Variants in AGTRAP observed in about 807,000 individuals in gnomAD.
The protein encoded by AGTRAP is type-1 angiotensin II receptor-associated protein.
Under a neutral mutation model 15.2 loss-of-function variants are expected in AGTRAP, and 7 were observed. The ratio of observed to expected loss-of-function variants is 0.46; its 90% CI spans 0.26 to 0.87. AGTRAP has a LOEUF of 0.87. Ranked by LOEUF, AGTRAP falls within the 40% of genes least tolerant of loss-of-function variation. The pLI, the probability that AGTRAP is intolerant of heterozygous loss-of-function variation, is 0.15. For missense variants in AGTRAP, 187 were observed against 213.4 expected (o/e 0.88, Z 0.77); for synonymous variants, 74 against 89.6 (o/e 0.83, Z 0.98).
chr1:11,745,956 T>C lies in AGTRAP; in HGVS notation c.62+119T>C. The C allele has an allele frequency of 1.4e-6, 2 of 1,413,346 alleles. No homozygotes were observed. Among genetic ancestry groups the C allele is most frequent in the Admixed American group, 1.7e-5 (1 of 59,640 alleles). 87.6% of individuals were successfully genotyped at this position (1,413,346 alleles called of 1,614,324 possible). On this transcript the variant is annotated intron_variant, in intron 2 of 4. Coordinates refer to ENST00000314340, the MANE Select transcript of AGTRAP (RefSeq NM_020350.5). The surrounding 1 kb of genome is among the most constrained non-coding windows in gnomAD (Gnocchi z 4.2). Reference sequence around the variant, plus strand: ...TCACTTTGGGCCAGACAGCTCTGCCTCTCCGGGTCTTGATTTCCGTCTGTA... The same window carrying C: ...TCACTTTGGGCCAGACAGCTCTGCCCCTCCGGGTCTTGATTTCCGTCTGTA...
chr1:11,747,396 G>C lies in AGTRAP; in HGVS notation c.63-44G>C, dbSNP rs766985189. The C allele has an allele frequency of 2.3e-5, 36 of 1,564,122 alleles. No homozygotes were observed. In the East Asian group the frequency reaches 7.2e-4, roughly 31 times the overall value. ...CCGGAGCAGGAGGGAGGTGACCTGCGGGGTGGTGGCCTCCTGACGGGACTG... is the reference window on the plus strand; with the variant it reads ...CCGGAGCAGGAGGGAGGTGACCTGCCGGGTGGTGGCCTCCTGACGGGACTG... On this transcript the variant is annotated intron_variant, in intron 2 of 4. Transcript: ENST00000314340.
In AGTRAP at chr1:11,743,160, C is replaced by T. The variant is rs542605176; in HGVS notation, c.28-2643C>T. On this transcript the variant is annotated intron_variant, in intron 1 of 4. Transcript: ENST00000314340. Reference sequence around the variant, plus strand: ...GGCCCCACTTTGCCTGGCCGAGCCCCGCTCATACATTGTGCTCAGCCTGGG... The same window carrying T: ...GGCCCCACTTTGCCTGGCCGAGCCCTGCTCATACATTGTGCTCAGCCTGGG... 1.8e-4 allele frequency among the ~76,000 whole-genome samples: 27 copies of T among 152,320 alleles called. No homozygotes were observed. In the East Asian group the frequency reaches 3.5e-3, roughly 20 times the overall value.
intron 4 of AGTRAP, among the ~76,000 whole-genome samples, chr1:11,749,103 C>T (rs1034769604): frequency 2.6e-5 from 4 of 151,932 alleles, no homozygotes; most frequent in African/African-American, 9.7e-5. Context: ...GTGAAGACAG[C>T]CCTGAACAGG....
At chr1:11,743,649 C>G (rs1426161009) in intron 1 of AGTRAP, among the ~76,000 whole-genome samples, 1 of 151,472 alleles carries the variant, frequency 6.6e-6, no homozygotes, top group Non-Finnish European at 1.5e-5. Flanking sequence ...CCACTGCAAC[C>G]TCTGCCTCCT....
chr1:11,746,283 C>G, intron 2 of AGTRAP: 1 of 1,410,130 alleles, frequency 7.1e-7, no homozygotes, highest in Non-Finnish European at 9.8e-7. Flanking sequence ...GGCCAAAATA[C>G]AGATTTCTTA....
chr1:11,740,532 A>G (rs1642005341), intron 1 of AGTRAP, among the ~76,000 whole-genome samples: 1 of 152,180 alleles, frequency 6.6e-6, no homozygotes, highest in Non-Finnish European at 1.5e-5. Context: ...CTTCCCTAAC[A>G]GAGATGGCAG....
intron 1 of AGTRAP, among the ~76,000 whole-genome samples, chr1:11,738,497 A>G (rs1641951861): frequency 6.6e-6 from 1 of 152,004 alleles, no homozygotes; most frequent in Non-Finnish European, 1.5e-5. Flanking sequence ...GTCGTGTAGC[A>G]TTTGGGTTAA....
rs529197115 is a variant in AGTRAP, at chr1:11,745,034, T to C, written c.28-769T>C. Reference sequence around the variant, plus strand: ...CATGCCCGGCTAATTTTTGTATTTTTAGTAGAGACAGGGTTTCACCATGTT... The same window carrying C: ...CATGCCCGGCTAATTTTTGTATTTTCAGTAGAGACAGGGTTTCACCATGTT... On this transcript the variant is annotated intron_variant, in intron 1 of 4. Coordinates refer to ENST00000314340, the MANE Select transcript of AGTRAP (RefSeq NM_020350.5). This position sits in a 1 kb window ranked among gnomAD's most constrained non-coding sequence, Gnocchi z 4.2. 1.2e-4 allele frequency among the ~76,000 whole-genome samples: 19 copies of C among 152,002 alleles called. No homozygotes were observed. The highest frequency in any genetic ancestry group is 2.1e-4 in the South Asian group (1 of 4,820).
At chr1:11,740,196 G>T (rs1641994885) in intron 1 of AGTRAP, among the ~76,000 whole-genome samples, 1 of 152,206 alleles carries the variant, frequency 6.6e-6, no homozygotes, top group Non-Finnish European at 1.5e-5. Flanking sequence ...CTACCAGGAA[G>T]CTCCCCCAGG....
intron 4 of AGTRAP, among the ~76,000 whole-genome samples, chr1:11,748,857 G>T (rs537656758): frequency 6.6e-6 from 1 of 152,320 alleles, no homozygotes; most frequent in South Asian, 2.1e-4. Context: ...CTGAGGCTGG[G>T]CCCTTCTCTC....
chr1:11,750,628 A>G lies in AGTRAP; in HGVS notation c.*436A>G. On this transcript the variant is annotated 3_prime_UTR_variant, in exon 5 of 5. Transcript: ENST00000314340. Reference sequence around the variant, plus strand: ...CGAGGAGCAGTCTGGCATGGGAGTGAGGCCCCGTCCTTCTCACTGCCTGGT... The same window carrying G: ...CGAGGAGCAGTCTGGCATGGGAGTGGGGCCCCGTCCTTCTCACTGCCTGGT... The G allele has an allele frequency of 8.0e-6, 3 of 377,128 alleles. No homozygotes were observed. Among genetic ancestry groups the G allele is most frequent in the East Asian group, 5.0e-5 (1 of 19,878 alleles). The allele number at this position is 377,128 out of a possible 1,614,324, so 23.4% of individuals were successfully genotyped here.
chr1:11,741,373 C>A (rs972548806), intron 1 of AGTRAP, among the ~76,000 whole-genome samples: 1 of 152,218 alleles, frequency 6.6e-6, no homozygotes, highest in African/African-American at 2.4e-5. Context: ...ATTCCTAGGG[C>A]AGAGTACCTG....
In AGTRAP at chr1:11,750,218, GC is replaced by G; in HGVS notation, c.*30del. 6.3e-7 allele frequency: 1 copy of G among 1,587,426 alleles called. No individual in the cohort carries two copies. The highest frequency in any genetic ancestry group is 8.6e-7 in the Non-Finnish European group (1 of 1,159,496). The stretch of plus-strand genomic sequence containing the variant: ...AGCCAGCCACGCTGCGCCCGGCCCT[GC>G]CCCGGGCCTTCCTCGTGCCTGGGAG... On this transcript the variant is annotated 3_prime_UTR_variant, in exon 5 of 5. Transcript: ENST00000314340.
chr1:11,740,884 C>T (rs188405851), intron 1 of AGTRAP, among the ~76,000 whole-genome samples: 5 of 152,244 alleles, frequency 3.3e-5, no homozygotes, highest in Admixed American at 6.5e-5. Context: ...TCTCTTTCCT[C>T]GGTGTCTTCT....
In AGTRAP at chr1:11,745,627, C is replaced by T. The variant is rs1028864466; in HGVS notation, c.28-176C>T. Among the ~76,000 whole-genome samples, 1 of 152,168 alleles carries T rather than the reference C, an allele frequency of 6.6e-6. No individual in the cohort carries two copies. Among genetic ancestry groups the T allele is most frequent in the Non-Finnish European group, 1.5e-5 (1 of 68,028 alleles). ...CTCCCTGGCCTGGCCTGCTTTCTTCCTCCTCCTTCACTCCTGGGCCACCTG... is the reference window on the plus strand; with the variant it reads ...CTCCCTGGCCTGGCCTGCTTTCTTCTTCCTCCTTCACTCCTGGGCCACCTG... On this transcript the variant is annotated intron_variant, in intron 1 of 4. Transcript: ENST00000314340. This position sits in a 1 kb window ranked among gnomAD's most constrained non-coding sequence, Gnocchi z 4.2.
rs747983763 is a variant in AGTRAP at position 11,747,522 on chromosome 1, G to T, written c.145G>T (p.Asp49Tyr). The change falls in exon 3 of 5, where the codon GAC (aspartate) becomes TAC (tyrosine). Residue 49 changes from aspartate to tyrosine, a missense_variant. By Grantham distance (160) the Asp-to-Tyr change is radical (BLOSUM62 -3). Transcript: ENST00000314340. Reference protein sequence around the residue: ...ALGVWAVAQRDSIDAISMFLG... With the variant: ...ALGVWAVAQRYSIDAISMFLG... The stretch of plus-strand genomic sequence containing the variant: ...GGGCGTGTGGGCTGTGGCTCAGCGG[G>T]ACTCCATCGACGCCATAAGCATGGT... The T allele has an allele frequency of 6.2e-7, 1 of 1,614,076 alleles. No individual in the cohort carries two copies. The highest frequency in any genetic ancestry group is 8.5e-7 in the Non-Finnish European group (1 of 1,179,986).
rs371098675 is a variant in AGTRAP at position 11,746,262 on chromosome 1, T to C, written c.62+425T>C. 2.0e-6 allele frequency: 3 copies of C among 1,521,950 alleles called. No homozygotes were observed. In the Admixed American group the frequency reaches 5.7e-5, roughly 29 times the overall value. 94.3% of individuals were successfully genotyped at this position (1,521,950 alleles called of 1,614,324 possible). A position where few individuals can be genotyped will look rare whatever the true frequency, so the allele number is the denominator to read the frequency against. On this transcript the variant is annotated intron_variant, in intron 2 of 4. Coordinates refer to ENST00000314340, the MANE Select transcript of AGTRAP (RefSeq NM_020350.5). Reference sequence around the variant, plus strand: ...ACTGTAACCATCATGATTCACGACCTTGAGAAGCAGGGCCAAAATACAGAT... The same window carrying C: ...ACTGTAACCATCATGATTCACGACCCTGAGAAGCAGGGCCAAAATACAGAT...
intron 4 of AGTRAP, among the ~76,000 whole-genome samples, chr1:11,749,632 T>C (rs1642264212): frequency 6.6e-6 from 1 of 152,164 alleles, no homozygotes; most frequent in Non-Finnish European, 1.5e-5. Flanking sequence ...GTGGTGTCCT[T>C]GTACCTGGGA....
At chr1:11,742,042 C>A (rs1269454916) in intron 1 of AGTRAP, among the ~76,000 whole-genome samples, 1 of 152,230 alleles carries the variant, frequency 6.6e-6, no homozygotes, top group Non-Finnish European at 1.5e-5. Context: ...GTATCTCAGC[C>A]ACCAGCTCTG....
Sources: allele counts gnomAD v4.1 joint callset (sites outside exome capture counted in the v4.1 genomes callset), GRCh38; gene constraint gnomAD v4.1.1; non-coding constraint Gnocchi (gnomAD v3.1); transcripts MANE v1.5; gene names NCBI Gene and HGNC (gene_info 2026-07-23, HGNC 2026-07-21).